PHF14: variants seen among roughly 807,000 people sequenced by gnomAD.
The protein encoded by PHF14 is PHD finger protein 14.
In PHF14, 55 loss-of-function variants were observed where a neutral mutation model predicts 117.9. The observed-to-expected ratio is 0.47, with a 90% CI of 0.38 to 0.58. PHF14 has a LOEUF of 0.58. Ranked by LOEUF, PHF14 falls within the 20% of genes least tolerant of loss-of-function variation. The probability of loss-of-function intolerance (pLI) is 0.00; values close to 1 mark genes in which losing one functional copy is unlikely to be tolerated. For missense variants in PHF14, 978 were observed against 1,122.2 expected, an observed-to-expected ratio of 0.87 and a Z score of 1.84; for synonymous variants, 409 against 368.6, an observed-to-expected ratio of 1.11 and a Z score of -1.26.
chr7:10,993,935 G>T (rs1782544513), intron 4 of PHF14, among the ~76,000 whole-genome samples: 1 of 151,592 alleles, frequency 6.6e-6, no homozygotes, highest in African/African-American at 2.4e-5. Flanking sequence ...CTGGAACCTA[G>T]GAGGTGGAGG....
chr7:11,077,493 C>G (rs1222489996), intron 16 of PHF14, among the ~76,000 whole-genome samples: 1 of 149,940 alleles, frequency 6.7e-6, no homozygotes, highest in Non-Finnish European at 1.5e-5. Context: ...CCCAGCTACT[C>G]AGGAGGCTGA....
chr7:11,112,659 T>C (rs1562472409), intron 17 of PHF14, among the ~76,000 whole-genome samples: 2 of 151,756 alleles, frequency 1.3e-5, no homozygotes, highest in Non-Finnish European at 2.9e-5. Context: ...TAATCCCAGC[T>C]ACTTGGGAGG....
At chr7:11,032,309 A>T (rs1398069104) in intron 7 of PHF14, among the ~76,000 whole-genome samples, 1 of 152,164 alleles carries the variant, frequency 6.6e-6, no homozygotes, top group African/African-American at 2.4e-5. Flanking sequence ...TTGTATTTAA[A>T]TGTTTCTGGT....
At chr7:11,021,251 T>C (rs1000944496) in intron 5 of PHF14, among the ~76,000 whole-genome samples, 2 of 152,200 alleles carry the variant, frequency 1.3e-5, no homozygotes, top group African/African-American at 4.8e-5. Context: ...TCAGCATCTG[T>C]CATAATAGCT....
chr7:10,993,629 C>G (rs2128311051), intron 4 of PHF14, among the ~76,000 whole-genome samples: 1 of 152,218 alleles, frequency 6.6e-6, no homozygotes, highest in East Asian at 1.9e-4. Context: ...GGCCCAGATT[C>G]TGAAGAAAAA....
At chr7:11,010,177 A>G (rs557119303) in intron 4 of PHF14, among the ~76,000 whole-genome samples, 2 of 152,274 alleles carry the variant, frequency 1.3e-5, no homozygotes, top group East Asian at 1.9e-4. Context: ...GTGGTATTGC[A>G]TAGCACATGG....
intron 2 of PHF14, among the ~76,000 whole-genome samples, chr7:10,976,932 C>T (rs1425935885): frequency 1.3e-5 from 2 of 149,828 alleles, no homozygotes; most frequent in Middle Eastern, 3.2e-3. Context: ...ATGTATAGTT[C>T]TTGGTATTTA....
intron 17 of PHF14, among the ~76,000 whole-genome samples, chr7:11,115,555 TC>T (rs1787573568): frequency 6.6e-6 from 1 of 151,986 alleles, no homozygotes. Context: ...TTATCATACC[TC>T]TGCTTGAAAT....
At chr7:11,077,677 A>G (rs1322829102) in intron 16 of PHF14, among the ~76,000 whole-genome samples, 4 of 151,476 alleles carry the variant, frequency 2.6e-5, no homozygotes, top group African/African-American at 9.7e-5. Flanking sequence ...GAGAACAGAT[A>G]TACCTCGTAC....
intron 16 of PHF14, among the ~76,000 whole-genome samples, chr7:11,072,699 T>TAAAG (rs71249099): frequency 0.58 from 88,569 of 151,746 alleles, 27,642 homozygotes; most frequent in East Asian, 0.85. Flanking sequence ...TACATTGCTA[T>TAAAG]AAATACCTGA....
rs1399361905 is a variant in PHF14, at chr7:11,132,277, G to A, written c.2772+20810G>A. On this transcript the variant is annotated intron_variant, in intron 17 of 17. Transcript: ENST00000634607. ...CATTTTCTTCCCACTGATAACCAGGGTTTTGTTCTGTCTGTATAATTGAGA... is the reference window on the plus strand; with the variant it reads ...CATTTTCTTCCCACTGATAACCAGGATTTTGTTCTGTCTGTATAATTGAGA... 4.7e-5 allele frequency among the ~76,000 whole-genome samples: 7 copies of A among 149,642 alleles called. No individual in the cohort carries two copies. The East Asian group carries it at 1.4e-3, about 29-fold the overall frequency.
intron 17 of PHF14, among the ~76,000 whole-genome samples, chr7:11,126,700 C>T (rs1405503454): frequency 6.6e-6 from 1 of 150,846 alleles, no homozygotes; most frequent in African/African-American, 2.4e-5. Context: ...GAAAAGCTTC[C>T]CTAAGATAGC....
At chr7:11,024,047 T>C (rs542473664) in intron 6 of PHF14, among the ~76,000 whole-genome samples, 4 of 152,160 alleles carry the variant, frequency 2.6e-5, no homozygotes, top group South Asian at 2.1e-4. Flanking sequence ...TTGAAGGAAA[T>C]TGAAAGTGCT....
intron 16 of PHF14, among the ~76,000 whole-genome samples, chr7:11,101,395 A>G (rs1231249409): frequency 2.0e-5 from 3 of 151,710 alleles, no homozygotes; most frequent in South Asian, 2.2e-4. Flanking sequence ...GTAGTAAACT[A>G]CAGACAAAGT....
At chr7:11,071,556 T>C (rs1490488974) in intron 16 of PHF14, among the ~76,000 whole-genome samples, 1 of 152,218 alleles carries the variant, frequency 6.6e-6, no homozygotes, top group Non-Finnish European at 1.5e-5. Context: ...TTTTACCCAT[T>C]ATAAGTATAG....
chr7:11,113,479 A>T (rs984349676), intron 17 of PHF14, among the ~76,000 whole-genome samples: 10 of 152,154 alleles, frequency 6.6e-5, no homozygotes, highest in African/African-American at 2.4e-4. Context: ...ACCAATATAA[A>T]CAACTAACAT....
chr7:10,996,662 A>G (rs1179022205), intron 4 of PHF14, among the ~76,000 whole-genome samples: 1 of 152,246 alleles, frequency 6.6e-6, no homozygotes, highest in African/African-American at 2.4e-5. Flanking sequence ...AATACACAGA[A>G]GCAAGGGGAA....
chr7:11,062,015 C>T lies in PHF14; in HGVS notation c.2584C>T (p.Pro862Ser). The change falls in exon 16 of 18, where the codon CCC (proline) becomes TCC (serine). Residue 862 changes from proline to serine, a missense_variant. Transcript: ENST00000634607. Reference protein sequence around the residue: ...RQRQSVLQKKPKAEDLRTECA... With the variant: ...RQRQSVLQKKSKAEDLRTECA... Reference sequence around the variant, plus strand: ...AAGACAGTCTGTGTTGCAAAAGAAGCCCAAGGCTGAAGATTTAAGAACTGA... The same window carrying T: ...AAGACAGTCTGTGTTGCAAAAGAAGTCCAAGGCTGAAGATTTAAGAACTGA... 6.2e-7 allele frequency: 1 copy of T among 1,605,130 alleles called. No homozygotes were observed. The highest frequency in any genetic ancestry group is 1.3e-5 in the African/African-American group (1 of 74,870).
At chr7:11,107,608 C>A in intron 16 of PHF14, 1 of 766,890 alleles carries the variant, frequency 1.3e-6, no homozygotes, top group Non-Finnish European at 1.6e-6. Context: ...CTTAGTGTTT[C>A]TTTACAGGTT....
Sources: gnomAD v4.1 joint callset for allele counts (sites outside exome capture counted in the v4.1 genomes callset) on GRCh38, gnomAD v4.1.1 for gene constraint, MANE v1.5 for transcripts, NCBI Gene and HGNC (gene_info 2026-07-23, HGNC 2026-07-21) for gene names.